The following KCTD14 variants were observed in gnomAD, a reference collection of about 807,000 sequenced individuals.
The protein encoded by KCTD14 is potassium channel tetramerization domain containing 14.
KCTD14 carries 7 observed loss-of-function variants against 5.9 expected under a neutral mutation model. The observed-to-expected ratio is 1.19, with a 90% CI of 0.68 to 2.23. KCTD14 has a LOEUF of 2.23. KCTD14 is among the 30% of genes most tolerant of loss of function. The pLI is 0.00. For missense variants in KCTD14, 342 were observed against 332.2 expected, an observed-to-expected ratio of 1.03 and a Z score of -0.23; for synonymous variants, 140 against 133.1, an observed-to-expected ratio of 1.05 and a Z score of -0.36.
intron 1 of KCTD14, among the ~76,000 whole-genome samples, chr11:78,039,363 A>C (rs1241457359): frequency 7.5e-6 from 1 of 133,188 alleles, no homozygotes; most frequent in Non-Finnish European, 1.6e-5. Flanking sequence ...CAAAAAATAC[A>C]AAAAAAATAA....
chr11:78,026,065 G>A (rs1401825462), upstream of KCTD14, among the ~76,000 whole-genome samples: 3 of 152,150 alleles, frequency 2.0e-5, no homozygotes, highest in Non-Finnish European at 4.4e-5. Flanking sequence ...ACATGCCCAC[G>A]ATACAACCTC....
Position 78,023,197 on chromosome 11 carries a change from G to T in KCTD14, c.53C>A (p.Thr18Asn). The T allele has an allele frequency of 6.2e-7, 1 of 1,606,468 alleles. No individual in the cohort carries two copies. The highest frequency in any genetic ancestry group is 8.5e-7 in the Non-Finnish European group (1 of 1,178,604). ...GGGCCGGGGGGACTGGGGCAGAGGGGTCTGGCTCGTCATCCTGCCCACTGG... is the reference window on the plus strand; with the variant it reads ...GGGCCGGGGGGACTGGGGCAGAGGGTTCTGGCTCGTCATCCTGCCCACTGG... Reference protein sequence around the residue: ...ERPVGRMTSQTPLPQSPRPRR... With the variant: ...ERPVGRMTSQNPLPQSPRPRR... The change falls in exon 1 of 2, where the codon ACC (threonine) becomes AAC (asparagine). Residue 18 changes from threonine (T) to asparagine (N), a missense_variant. By Grantham distance (65) the Thr-to-Asn change is moderately conservative (BLOSUM62 0). Transcript: ENST00000353172.
chr11:78,031,111 G>A (rs1166322947), intron 2 of KCTD14, among the ~76,000 whole-genome samples: 3 of 148,168 alleles, frequency 2.0e-5, no homozygotes, highest in African/African-American at 7.5e-5. Context: ...CTGGAGTGCA[G>A]TGTCACTAAC....
upstream of KCTD14, among the ~76,000 whole-genome samples, chr11:78,026,369 G>A (rs1319359665): frequency 6.6e-6 from 1 of 152,012 alleles, no homozygotes; most frequent in Admixed American, 6.6e-5. Context: ...CTTGAACCCG[G>A]GAGGCAGAGG....
rs777817264 is a variant in KCTD14 at position 78,023,177 on chromosome 11, G to A, written c.73C>T (p.Arg25Trp). Reference protein sequence around the residue: ...TSQTPLPQSPRPRRPTMSTVV... With the variant: ...TSQTPLPQSPWPRRPTMSTVV... Reference sequence around the variant, plus strand: ...GCACTTACCGTTGGCCGCCTGGGCCGGGGGGACTGGGGCAGAGGGGTCTGG... The same window carrying A: ...GCACTTACCGTTGGCCGCCTGGGCCAGGGGGACTGGGGCAGAGGGGTCTGG... Residue 25 changes from arginine to tryptophan, a missense_variant, in exon 1 of 2, where the codon CGG becomes TGG. By Grantham distance (101) the Arg-to-Trp change is moderately radical. Transcript: ENST00000353172. The A allele has an allele frequency of 4.4e-6, 7 of 1,589,662 alleles. No homozygotes were observed. Among genetic ancestry groups the A allele is most frequent in the East Asian group, 2.3e-5 (1 of 42,992 alleles).
At chr11:78,023,518 C>CTTT (rs113012783), upstream of KCTD14, 6 of 365,860 alleles carry the variant, frequency 1.6e-5, no homozygotes, top group East Asian at 5.5e-5. Flanking sequence ...TTCTTTCTTT[C>CTTT]TTTTTTTTTT....
At chr11:78,041,427 A>G (rs1046439045) in intron 1 of KCTD14, among the ~76,000 whole-genome samples, 4 of 152,240 alleles carry the variant, frequency 2.6e-5, no homozygotes, top group African/African-American at 9.6e-5. Flanking sequence ...CTTAGCTCAC[A>G]TGGGACCAAT....
chr11:78,037,307 T>C (rs2136751592), intron 2 of KCTD14, among the ~76,000 whole-genome samples: 1 of 152,366 alleles, frequency 6.6e-6, no homozygotes, highest in South Asian at 2.1e-4. Flanking sequence ...CCTCAGGCTC[T>C]AGGCCCAGCT....
chr11:78,034,680 G>A lies in KCTD14; in HGVS notation c.-1+3984C>T, dbSNP rs541096179. On this transcript the variant is annotated intron_variant, in intron 2 of 2. Transcript: ENST00000533144. ...TTTCAGGTCCCTTCAGTGCAGAGGT[G>A]GGAACGGACAGCCCACGTGTTTTCA... Among the ~76,000 whole-genome samples the A allele has an allele frequency of 1.1e-3, 172 of 152,134 alleles. 1 individual carries two copies. Among genetic ancestry groups the A allele is most frequent in the African/African-American group, 2.8e-3 (117 of 41,518 alleles).
chr11:78,036,878 A>T (rs537656780), intron 2 of KCTD14, among the ~76,000 whole-genome samples: 198 of 152,344 alleles, frequency 1.3e-3, no homozygotes, highest in African/African-American at 4.4e-3. Flanking sequence ...CTAAGTGAAA[A>T]CATGGCAAAG....
In KCTD14 at chr11:78,039,083, A is replaced by AC. The variant is rs571007063; in HGVS notation, c.-95-326_-95-325insG. On this transcript the variant is annotated intron_variant, in intron 1 of 2. Coordinates refer to the KCTD14 transcript ENST00000533144. ...CTTTAGATTACAAAAAAAAAAAAAA[A>AC]AACACAAAAAAACAGGTGTCTCTGA... Among the ~76,000 whole-genome samples the AC allele has an allele frequency of 1.8e-4, 28 of 151,854 alleles. No individual in the cohort carries two copies. The South Asian group carries it at 2.7e-3, about 15-fold the overall frequency.
chr11:78,026,742 T>A (rs1464467505), upstream of KCTD14, among the ~76,000 whole-genome samples: 1 of 152,040 alleles, frequency 6.6e-6, no homozygotes, highest in Non-Finnish European at 1.5e-5. Flanking sequence ...GCACCCCAGC[T>A]TGGGCAGTGG....
At chr11:78,045,961 G>C (rs918817855) in intron 1 of KCTD14, 3 of 280,272 alleles carry the variant, frequency 1.1e-5, no homozygotes, top group Non-Finnish European at 1.6e-5. Flanking sequence ...GGAGGCTGCC[G>C]GTCCTCTCCC....
rs1857196313 is a variant in KCTD14 at position 78,017,326 on chromosome 11, T to C, written c.91-56A>G. 3.3e-6 allele frequency: 5 copies of C among 1,508,548 alleles called. No individual in the cohort carries two copies. In the African/African-American group the frequency reaches 7.0e-5, roughly 21 times the overall value. 93.4% of individuals were successfully genotyped at this position (1,508,548 alleles called of 1,614,324 possible). On this transcript the variant is annotated intron_variant, in intron 1 of 1. Transcript: ENST00000353172. Reference sequence around the variant, plus strand: ...ACGCCATCTCCCCTGAGCGCATTACTTATTTTTATCCAAAGGATAACTGGA... The same window carrying C: ...ACGCCATCTCCCCTGAGCGCATTACCTATTTTTATCCAAAGGATAACTGGA...
At chr11:78,033,928 A>G (rs1375988822) in intron 2 of KCTD14, among the ~76,000 whole-genome samples, 2 of 90,058 alleles carry the variant, frequency 2.2e-5, no homozygotes, top group African/African-American at 4.2e-5. Context: ...CACATTATAT[A>G]TAATACATAT....
At chr11:78,033,571 A>G (rs1419807196) in intron 2 of KCTD14, among the ~76,000 whole-genome samples, 2 of 151,938 alleles carry the variant, frequency 1.3e-5, no homozygotes, top group Non-Finnish European at 2.9e-5. Flanking sequence ...AGTCCCAGCT[A>G]CTCAGGAAGC....
rs369554776 is a variant in KCTD14 at position 78,017,642 on chromosome 11, G to A, written c.91-372C>T. 1.1e-3 allele frequency among the ~76,000 whole-genome samples: 162 copies of A among 151,952 alleles called. 1 individual carries two copies. Among genetic ancestry groups the A allele is most frequent in the African/African-American group, 3.5e-3 (147 of 41,482 alleles). ...GTATTTTTAGTAAAGACGAGGTTTC[G>A]CCATGTTTGCTAGTCTGGTCTCAAA... is the stretch of plus-strand genomic sequence containing the variant. On this transcript the variant is annotated intron_variant, in intron 1 of 1. Transcript: ENST00000353172.
chr11:78,044,038 T>C (rs1464561892), intron 1 of KCTD14, among the ~76,000 whole-genome samples: 1 of 152,066 alleles, frequency 6.6e-6, no homozygotes, highest in Non-Finnish European at 1.5e-5. Context: ...AAAACCCACC[T>C]CTTCACCTAC....
chr11:78,018,407 ATT>A (rs983061042), intron 1 of KCTD14, among the ~76,000 whole-genome samples: 57 of 148,068 alleles, frequency 3.8e-4, no homozygotes, highest in Non-Finnish European at 6.3e-4. Flanking sequence ...AGGAAAAAAA[ATT>A]TTTTTTTTAA....
Sources: gnomAD v4.1 joint callset for allele counts (sites outside exome capture counted in the v4.1 genomes callset) on GRCh38, gnomAD v4.1.1 for gene constraint, MANE v1.5 for transcripts, NCBI Gene and HGNC (gene_info 2026-07-23, HGNC 2026-07-21) for gene names.